Variants in AP2B1 observed in about 807,000 individuals in gnomAD.
The protein encoded by AP2B1 is AP-2 complex subunit beta.
A neutral mutation model predicts 102.0 loss-of-function variants in AP2B1; 23 were observed. That is an observed-to-expected ratio of 0.23 (90% CI 0.16 to 0.32). The LOEUF is 0.32. Ranked by LOEUF, AP2B1 falls within the 10% of genes least tolerant of loss-of-function variation. AP2B1 has a pLI of 1.00. For synonymous variants in AP2B1, 381 were observed against 421.2 expected, an observed-to-expected ratio of 0.90 and a Z score of 1.17; for missense variants, 541 against 1,157.4, an observed-to-expected ratio of 0.47 and a Z score of 7.73.
chr17:35,703,205 C>T (rs1442312825), intron 18 of AP2B1, among the ~76,000 whole-genome samples: 3 of 138,764 alleles, frequency 2.2e-5, no homozygotes, highest in African/African-American at 8.2e-5. Context: ...GCGGAGCTTG[C>T]AGTGAGCCGA....
intron 14 of AP2B1, among the ~76,000 whole-genome samples, chr17:35,662,981 C>T (rs1241551195): frequency 6.6e-6 from 1 of 152,176 alleles, no homozygotes; most frequent in Non-Finnish European, 1.5e-5. Context: ...ACTGCCTTTT[C>T]CTGACCCTCA....
At chr17:35,588,573 G>A (rs956842824) in intron 1 of AP2B1, 1 of 152,230 alleles carries the variant, frequency 6.6e-6, no homozygotes, top group African/African-American at 2.4e-5. Flanking sequence ...TGGTCTCAAT[G>A]AGAATCAATT....
At chr17:35,711,838 T>C (rs1330425328) in intron 20 of AP2B1, among the ~76,000 whole-genome samples, 3 of 152,232 alleles carry the variant, frequency 2.0e-5, no homozygotes, top group Non-Finnish European at 4.4e-5. Flanking sequence ...ATGAATCTTA[T>C]AGGGCTTTTG....
intron 17 of AP2B1, among the ~76,000 whole-genome samples, chr17:35,681,743 A>G (rs1276094988): frequency 2.0e-5 from 3 of 152,184 alleles, no homozygotes; most frequent in African/African-American, 7.2e-5. Context: ...CCCAAGAATT[A>G]TCTAAGGAAA....
intron 17 of AP2B1, among the ~76,000 whole-genome samples, chr17:35,678,913 G>C (rs780157427): frequency 2.6e-5 from 4 of 152,058 alleles, no homozygotes; most frequent in African/African-American, 4.8e-5. Context: ...CCCTTCCCCA[G>C]ATGTTTTCTT....
intron 18 of AP2B1, among the ~76,000 whole-genome samples, chr17:35,690,657 C>G (rs1315536364): frequency 6.6e-6 from 1 of 152,206 alleles, no homozygotes; most frequent in East Asian, 1.9e-4. Context: ...CCATACAGTT[C>G]CAGAGGTGCT....
At chr17:35,618,885 T>C (rs2074096768) in intron 5 of AP2B1, among the ~76,000 whole-genome samples, 1 of 152,238 alleles carries the variant, frequency 6.6e-6, no homozygotes, top group African/African-American at 2.4e-5. Flanking sequence ...CCCTAAGTAC[T>C]GTAGGATATG....
At chr17:35,603,020 C>G (rs900704381) in intron 3 of AP2B1, among the ~76,000 whole-genome samples, 1 of 152,154 alleles carries the variant, frequency 6.6e-6, no homozygotes, top group African/African-American at 2.4e-5. Context: ...ACCGTAGGTA[C>G]CATGCATACA....
intron 20 of AP2B1, among the ~76,000 whole-genome samples, chr17:35,716,495 A>C (rs149342253): frequency 6.6e-6 from 1 of 152,042 alleles, no homozygotes; most frequent in Non-Finnish European, 1.5e-5. Flanking sequence ...AGCAGCAGTC[A>C]CCTTTGCACA....
chr17:35,632,512 T>C (rs225261), intron 9 of AP2B1, among the ~76,000 whole-genome samples: 132,452 of 152,166 alleles, frequency 0.87, 58,054 homozygotes, highest in African/African-American at 0.97. Context: ...GTGGATCAAA[T>C]ACCAGAACAA....
chr17:35,718,757 GGT>G (rs2085263233), intron 21 of AP2B1, among the ~76,000 whole-genome samples: 1 of 151,354 alleles, frequency 6.6e-6, no homozygotes, highest in Non-Finnish European at 1.5e-5. Flanking sequence ...TTTATATATG[GGT>G]GTGTGTGGTT....
At chr17:35,704,687 G>C (rs1441980448) in intron 18 of AP2B1, among the ~76,000 whole-genome samples, 3 of 152,060 alleles carry the variant, frequency 2.0e-5, no homozygotes, top group African/African-American at 7.3e-5. Flanking sequence ...AGGTTAAATA[G>C]GTATTTTCCA....
intron 4 of AP2B1, 21 bp downstream of exon 4, chr17:35,605,861 A>G (rs1344576152): frequency 1.4e-5 from 23 of 1,602,730 alleles, no homozygotes; most frequent in Non-Finnish European, 1.5e-5. Flanking sequence ...CCAAGGCCTC[A>G]ATAACAGAGT....
chr17:35,626,884 T>G (rs768075190), intron 7 of AP2B1, 42 bp downstream of exon 7: 2 of 1,548,024 alleles, frequency 1.3e-6, no homozygotes, highest in East Asian at 2.2e-5. Flanking sequence ...TTTGTAATTT[T>G]GCATTAAGCT....
At chr17:35,667,932 A>AT (rs2075502813) in intron 14 of AP2B1, among the ~76,000 whole-genome samples, 1 of 138,196 alleles carries the variant, frequency 7.2e-6, no homozygotes, top group Admixed American at 7.4e-5. Context: ...TCGCTGCTCA[A>AT]ATTTTTTTTT....
chr17:35,695,684 A>T (rs1259620402), intron 18 of AP2B1, among the ~76,000 whole-genome samples: 5 of 152,126 alleles, frequency 3.3e-5, no homozygotes, highest in Non-Finnish European at 7.4e-5. Flanking sequence ...CTAGCAGCCT[A>T]CAACAGAATT....
At chr17:35,623,711 A>G (rs2142543256) in intron 5 of AP2B1, among the ~76,000 whole-genome samples, 1 of 152,332 alleles carries the variant, frequency 6.6e-6, no homozygotes, top group South Asian at 2.1e-4. Flanking sequence ...TGTAGCTTAC[A>G]GTTGATGAAT....
Position 35,723,907 on chromosome 17 carries a change from C to T in AP2B1, c.*208C>T, listed in dbSNP as rs1598380646. On this transcript the variant is annotated 3_prime_UTR_variant, in exon 22 of 22. Coordinates refer to ENST00000610402, the MANE Select transcript of AP2B1 (RefSeq NM_001030006.2). ...ACATTTGTAACCACTGCTTCAGTCA[C>T]CTCCCACCTCTTGCCACCTGCTGCT... 3 of 474,080 alleles carry T rather than the reference C, an allele frequency of 6.3e-6. No individual in the cohort carries two copies. Among genetic ancestry groups the T allele is most frequent in the East Asian group, 3.0e-5 (1 of 33,804 alleles). 29.4% of individuals were successfully genotyped at this position (474,080 alleles called of 1,614,324 possible).
intron 5 of AP2B1, among the ~76,000 whole-genome samples, chr17:35,608,648 C>CT (rs1266064016): frequency 1.3e-5 from 2 of 152,064 alleles, no homozygotes; most frequent in Non-Finnish European, 2.9e-5. Flanking sequence ...ATGATGAAAA[C>CT]TTTCATCATT....
Sources: allele counts gnomAD v4.1 joint callset (sites outside exome capture counted in the v4.1 genomes callset), GRCh38; gene constraint gnomAD v4.1.1; transcripts MANE v1.5; gene names NCBI Gene and HGNC (gene_info 2026-07-23, HGNC 2026-07-21).